Variants in IDH2 observed in about 807,000 individuals in gnomAD.
IDH2 encodes the protein isocitrate dehydrogenase [NADP], mitochondrial.
Under a neutral mutation model 50.5 loss-of-function variants are expected in IDH2, and 18 were observed. That is an observed-to-expected ratio of 0.36 (90% CI 0.25 to 0.53). The LOEUF (loss-of-function observed/expected upper bound fraction) is 0.53, where lower values mean the gene tolerates loss of function less well. IDH2 is among the 20% of genes least tolerant of loss of function. The pLI, the probability that IDH2 is intolerant of heterozygous loss-of-function variation, is 0.92. For missense variants in IDH2, 518 were observed against 610.7 expected (o/e 0.85, Z 1.60); for synonymous variants, 280 against 239.8 (o/e 1.17, Z -1.55).
chr15:90,096,933 G>T (rs1272610159), intron 1 of IDH2, among the ~76,000 whole-genome samples: 1 of 151,640 alleles, frequency 6.6e-6, no homozygotes, highest in Non-Finnish European at 1.5e-5. Flanking sequence ...AAAAAGAAAA[G>T]AAAAGGACAA....
intron 1 of IDH2, among the ~76,000 whole-genome samples, chr15:90,094,172 G>T (rs1901121775): frequency 6.6e-6 from 1 of 152,162 alleles, no homozygotes. Context: ...CCAGTGGAGG[G>T]TAGGGGGCAG....
In IDH2 at chr15:90,084,569, T is replaced by C. The variant is rs1900807474; in HGVS notation, c.1272-216A>G. Among the ~76,000 whole-genome samples, 1 of 151,884 alleles carries C rather than the reference T, an allele frequency of 6.6e-6. No individual in the cohort carries two copies. Among genetic ancestry groups the C allele is most frequent in the African/African-American group, 2.4e-5 (1 of 41,330 alleles). On this transcript the variant is annotated intron_variant, in intron 10 of 10. Coordinates refer to ENST00000330062, the MANE Select transcript of IDH2 (RefSeq NM_002168.4). This position sits in a 1 kb window ranked among gnomAD's most constrained non-coding sequence, Gnocchi z 5.0. ...CTGTCTTGCCAGGTAACTGCTCTCC[T>C]GAGAGAAGCTGGGAAAGGGGTGTGG... is the stretch of plus-strand genomic sequence containing the variant.
At chr15:90,088,798 C>T (rs1005755990) in intron 3 of IDH2, 51 bp from the exon 4 acceptor site, 1 of 1,606,478 alleles carries the variant, frequency 6.2e-7, no homozygotes, top group Non-Finnish European at 8.5e-7. Flanking sequence ...ATCTTTCAAC[C>T]AGAATTTGAA....
At chr15:90,091,269 A>C (rs1901028354) in intron 2 of IDH2, among the ~76,000 whole-genome samples, 1 of 152,256 alleles carries the variant, frequency 6.6e-6, no homozygotes, top group Admixed American at 6.5e-5. Flanking sequence ...CAAGATGGAA[A>C]TGATACAGGA....
chr15:90,084,406 C>CTGG lies in IDH2; in HGVS notation c.1272-54_1272-53insCCA. On this transcript the variant is annotated intron_variant, in intron 10 of 10. Coordinates refer to ENST00000330062, the MANE Select transcript of IDH2 (RefSeq NM_002168.4). The surrounding 1 kb of genome is among the most constrained non-coding windows in gnomAD (Gnocchi z 5.0). ...GGGTGGCTCCAGGCCTTGCCAAGGC[C>CTGG]ATCAGCCAGGCCCTTCCAGGGAACA... 6.6e-7 allele frequency: 1 copy of CTGG among 1,513,422 alleles called. No individual in the cohort carries two copies. The highest frequency in any genetic ancestry group is 9.1e-7 in the Non-Finnish European group (1 of 1,098,420). The allele number at this position is 1,513,422 out of a possible 1,614,324, so 93.7% of individuals were successfully genotyped here. A position where few individuals can be genotyped will look rare whatever the true frequency, so the allele number is the denominator to read the frequency against.
At chr15:90,091,948 G>A (rs1901050501) in intron 1 of IDH2, among the ~76,000 whole-genome samples, 1 of 152,238 alleles carries the variant, frequency 6.6e-6, no homozygotes, top group South Asian at 2.1e-4. Context: ...AGCTGCAGGT[G>A]AGTGAGCACT....
chr15:90,092,132 T>C (rs1901055206), intron 1 of IDH2, among the ~76,000 whole-genome samples: 1 of 152,196 alleles, frequency 6.6e-6, no homozygotes, highest in African/African-American at 2.4e-5. Context: ...TATGGTGAGC[T>C]ATATAATTTT....
chr15:90,087,787 T>A (rs1900905426), intron 5 of IDH2, among the ~76,000 whole-genome samples: 1 of 151,930 alleles, frequency 6.6e-6, no homozygotes, highest in Non-Finnish European at 1.5e-5. Context: ...GCCTTTTTTT[T>A]TTTTTTGGAA....
chr15:90,093,195 T>G (rs1005128565), intron 1 of IDH2, among the ~76,000 whole-genome samples: 5 of 142,944 alleles, frequency 3.5e-5, no homozygotes, highest in African/African-American at 1.3e-4. Flanking sequence ...ATGTATTTAC[T>G]TATTGTTTAG....
At position 90,085,362 on chromosome 15, in the gene IDH2, C is replaced by T. The variant is rs61737002; in HGVS notation, c.993G>A (p.Thr331=). The change falls in exon 8 of 11, where the codon ACG becomes ACA. Residue 331 remains threonine (T), a synonymous_variant. Coordinates refer to ENST00000330062, the MANE Select transcript of IDH2 (RefSeq NM_002168.4). The surrounding 1 kb of genome is among the most constrained non-coding windows in gnomAD (Gnocchi z 5.5). ...TCCCATCAGGGCAGACCAGGACGGA[C>T]GTCATCAGGCCAAGGGAGCCAAAGC... ...AQGFGSLGLM[T]SVLVCPDGKT... 3,537 of 1,557,318 alleles carry T rather than the reference C, an allele frequency of 2.3e-3. 69 individuals carry two copies. The African/African-American group carries it at 0.042, about 19-fold the overall frequency.
intron 1 of IDH2, among the ~76,000 whole-genome samples, chr15:90,101,824 C>T (rs963313125): frequency 3.3e-5 from 5 of 152,230 alleles, no homozygotes; most frequent in African/African-American, 1.2e-4. Flanking sequence ...GCATGTCTCC[C>T]GCCTCCCAGC....
In IDH2 at chr15:90,087,470, A is replaced by G; in HGVS notation, c.784T>C (p.Phe262Leu). Residue 262 changes from phenylalanine (F) to leucine (L), a missense_variant, in exon 6 of 11, where the codon TTC becomes CTC. Phe to Leu is a conservative substitution (Grantham distance 22). Transcript: ENST00000330062. ...NTILKAYDGR[F>L]KDIFQEIFDK... ...AAGATCTCCTGGAAGATGTCCTTGA[A>G]ACGCCCATCGTAGGCTTTCAGTATG... is the stretch of plus-strand genomic sequence containing the variant. 1 of 1,614,182 alleles carries G rather than the reference A, an allele frequency of 6.2e-7. No individual in the cohort carries two copies. Among genetic ancestry groups the G allele is most frequent in the Non-Finnish European group, 8.5e-7 (1 of 1,180,032 alleles).
intron 7 of IDH2, among the ~76,000 whole-genome samples, chr15:90,086,788 C>A (rs1395215434): frequency 6.6e-6 from 1 of 152,134 alleles, no homozygotes. Context: ...CCTCCAGTCC[C>A]GCTTGATCCC....
chr15:90,084,867 TCCA>T lies in IDH2; in HGVS notation c.1217_1219del (p.Val406del). ...CAGGTCCTTGGTCATGGCTCCACTC[TCCA>T]CCGTCTCCACGCACACCTTCTCCAG... On this transcript the variant is annotated inframe_deletion, in exon 10 of 11. Transcript: ENST00000330062. The surrounding 1 kb of genome is among the most constrained non-coding windows in gnomAD (Gnocchi z 5.0). The T allele has an allele frequency of 6.2e-7, 1 of 1,614,020 alleles. No individual in the cohort carries two copies. Among genetic ancestry groups the T allele is most frequent in the Non-Finnish European group, 8.5e-7 (1 of 1,179,994 alleles).
intron 1 of IDH2, among the ~76,000 whole-genome samples, chr15:90,096,067 A>C (rs1901173474): frequency 6.6e-6 from 1 of 152,088 alleles, no homozygotes; most frequent in Admixed American, 6.6e-5. Flanking sequence ...AAGGCTGAAG[A>C]GGGCAGATCA....
rs542599757 is a variant in IDH2 at position 90,083,882 on chromosome 15, G to A, written c.*384C>T. 75 of 370,142 alleles carry A rather than the reference G, an allele frequency of 2.0e-4. No homozygotes were observed. In the South Asian group the frequency reaches 2.0e-3, roughly 10 times the overall value. The allele number at this position is 370,142 out of a possible 1,614,324, so 22.9% of individuals were successfully genotyped here. On this transcript the variant is annotated 3_prime_UTR_variant, in exon 11 of 11. Coordinates refer to ENST00000330062, the MANE Select transcript of IDH2 (RefSeq NM_002168.4). ...TGCCGTGGCAGCCCCTTCCTGAGGT[G>A]CTCTGGTCTGCCCCAGGGGAACCTG...
intron 1 of IDH2, among the ~76,000 whole-genome samples, chr15:90,092,808 C>A (rs1241562848): frequency 6.6e-6 from 1 of 152,194 alleles, no homozygotes. Flanking sequence ...AAACTCCTGA[C>A]CTCAAGTGAT....
chr15:90,097,441 G>A (rs1901210761), intron 1 of IDH2, among the ~76,000 whole-genome samples: 1 of 152,164 alleles, frequency 6.6e-6, no homozygotes, highest in Non-Finnish European at 1.5e-5. Context: ...CCAAGGATAA[G>A]GGGGACTACT....
intron 5 of IDH2, 150 bp from the exon 6 acceptor site, chr15:90,087,725 G>A (rs1051608509): frequency 2.5e-6 from 2 of 798,462 alleles, no homozygotes; most frequent in East Asian, 2.6e-5. Context: ...CAGTGCACAC[G>A]ATGTTTCTGC....
Sources: gnomAD v4.1 joint callset for allele counts (sites outside exome capture counted in the v4.1 genomes callset) on GRCh38, gnomAD v4.1.1 for gene constraint, Gnocchi (gnomAD v3.1) non-coding constraint, MANE v1.5 for transcripts, NCBI Gene and HGNC (gene_info 2026-07-23, HGNC 2026-07-21) for gene names.